The following FRMD3 variants were observed in gnomAD, a reference collection of about 807,000 sequenced individuals.
The protein encoded by FRMD3 is FERM domain-containing protein 3.
Under a neutral mutation model 70.2 loss-of-function variants are expected in FRMD3, and 33 were observed. The ratio of observed to expected loss-of-function variants is 0.47; its 90% confidence interval spans 0.36 to 0.63. FRMD3 has a LOEUF of 0.63. FRMD3 is among the 20% of genes least tolerant of loss of function. The pLI, the probability that FRMD3 is intolerant of heterozygous loss-of-function variation, is 0.00. For synonymous variants in FRMD3, 279 were observed against 255.9 expected (o/e 1.09, Z -0.86); for missense variants, 632 against 711.4 (o/e 0.89, Z 1.27).
chr9:83,244,064 G>A (rs902016866), downstream of FRMD3, among the ~76,000 whole-genome samples: 4 of 152,098 alleles, frequency 2.6e-5, no homozygotes, highest in African/African-American at 7.2e-5. Context: ...GGAGGAGGAG[G>A]TTGCGGTGAG....
At chr9:83,352,610 T>C (rs1172161225) in intron 3 of FRMD3, among the ~76,000 whole-genome samples, 1 of 152,332 alleles carries the variant, frequency 6.6e-6, no homozygotes, top group South Asian at 2.1e-4. Context: ...CCTTCCATCA[T>C]CTGAAGATGA....
At chr9:83,274,232 C>T (rs1029412052) in intron 13 of FRMD3, among the ~76,000 whole-genome samples, 7 of 152,164 alleles carry the variant, frequency 4.6e-5, no homozygotes, top group African/African-American at 1.7e-4. Context: ...GTGTTTTACT[C>T]TACAACACAG....
At chr9:83,452,046 T>A (rs1468299817) in intron 1 of FRMD3, among the ~76,000 whole-genome samples, 1 of 152,216 alleles carries the variant, frequency 6.6e-6, no homozygotes, top group Non-Finnish European at 1.5e-5. Context: ...AGAGGGAGAC[T>A]GGCAGGCTAT....
intron 1 of FRMD3, among the ~76,000 whole-genome samples, chr9:83,507,157 T>A (rs1021647590): frequency 1.3e-5 from 2 of 150,452 alleles, no homozygotes; most frequent in East Asian, 2.0e-4. Context: ...CGTCAGGAGT[T>A]CGAGACCAGC....
intron 10 of FRMD3, among the ~76,000 whole-genome samples, chr9:83,300,767 C>G (rs989708585): frequency 1.3e-5 from 2 of 152,170 alleles, no homozygotes; most frequent in African/African-American, 4.8e-5. Context: ...TACACACACA[C>G]ATATTTTTTT....
chr9:83,257,341 G>A (rs558328627), intron 13 of FRMD3, among the ~76,000 whole-genome samples: 1 of 152,096 alleles, frequency 6.6e-6, no homozygotes, highest in Non-Finnish European at 1.5e-5. Context: ...TGGACATATT[G>A]GGAGGAACAA....
intron 6 of FRMD3, among the ~76,000 whole-genome samples, chr9:83,317,081 C>T (rs764967900): frequency 6.6e-6 from 1 of 151,704 alleles, no homozygotes; most frequent in Non-Finnish European, 1.5e-5. Context: ...GCACTATGAT[C>T]GTGCCACTGT....
intron 1 of FRMD3, among the ~76,000 whole-genome samples, chr9:83,489,006 G>A (rs1828752480): frequency 7.5e-6 from 1 of 133,260 alleles, no homozygotes; most frequent in African/African-American, 2.8e-5. Context: ...GTGTGTGTGT[G>A]TGTGTGTGTG....
Position 83,389,695 on chromosome 9 carries a change from C to G in FRMD3, c.161G>C (p.Gly54Ala). 6.2e-7 allele frequency: 1 copy of G among 1,613,226 alleles called. No homozygotes were observed. Among genetic ancestry groups the G allele is most frequent in the Non-Finnish European group, 8.5e-7 (1 of 1,179,256 alleles). ...GCAGATGTGGTCAATGAGAAACTGC[C>G]CTTTGGTTTCCCTCTGCAAAGGAAG... ...ISCHIQRETK[G>A]QFLIDHICNY... The change falls in exon 2 of 14, where the codon GGG becomes GCG. Residue 54 changes from glycine to alanine, a missense_variant. Physicochemically the swap from Gly to Ala is moderately conservative, Grantham distance 60. Coordinates refer to ENST00000304195, the MANE Select transcript of FRMD3 (RefSeq NM_174938.6).
chr9:83,506,284 A>C (rs1413751311), intron 1 of FRMD3, among the ~76,000 whole-genome samples: 1 of 152,218 alleles, frequency 6.6e-6, no homozygotes, highest in Non-Finnish European at 1.5e-5. Flanking sequence ...GTTTTAAAGA[A>C]ACCAAATAAT....
intron 4 of FRMD3, 87 bp from the exon 5 acceptor site, chr9:83,343,374 AC>A: frequency 1.1e-6 from 1 of 885,748 alleles, no homozygotes; most frequent in Non-Finnish European, 1.9e-6. Flanking sequence ...TCCCATGGTG[AC>A]CAGAGCTTTT....
At chr9:83,344,953 A>C (rs564143077) in intron 4 of FRMD3, among the ~76,000 whole-genome samples, 1 of 147,372 alleles carries the variant, frequency 6.8e-6, no homozygotes, top group East Asian at 1.9e-4. Flanking sequence ...GAAGAGCGAC[A>C]TGTGTAATCC....
chr9:83,248,349 G>A lies in FRMD3; in HGVS notation c.1363C>T (p.Pro455Ser). 6.2e-7 allele frequency: 1 copy of A among 1,614,128 alleles called. No homozygotes were observed. Among genetic ancestry groups the A allele is most frequent in the South Asian group, 1.1e-5 (1 of 91,070 alleles). ...ATCTCATCGTCATCCACAGGGGTGG[G>A]GAGCAGGCTGGCACTTGGGTTGTAC... ...LVYNPSASLL[P>S]TPVDDDEIDM... is the part of the protein sequence containing the mutation. Residue 455 changes from proline to serine, a missense_variant, in exon 14 of 14, where the codon CCC becomes TCC. Physicochemically the swap from Pro to Ser is moderately conservative, Grantham distance 74. This residue lies in a region of FRMD3 where 418 missense variants were observed against 442.1 expected (regional missense o/e 0.95). Transcript: ENST00000304195.
chr9:83,492,915 T>A (rs568182666), intron 1 of FRMD3, among the ~76,000 whole-genome samples: 1 of 152,292 alleles, frequency 6.6e-6, no homozygotes, highest in South Asian at 2.1e-4. Flanking sequence ...CCTTCTCCTC[T>A]ACTCAGGGAG....
rs572323454 is a variant in FRMD3, at chr9:83,412,984, A to C, written c.148-23276T>G. Among the ~76,000 whole-genome samples, 6 of 152,176 alleles carry C rather than the reference A, an allele frequency of 3.9e-5. No homozygotes were observed. In the South Asian group the frequency reaches 1.2e-3, roughly 32 times the overall value. On this transcript the variant is annotated intron_variant, in intron 1 of 13. Transcript: ENST00000304195. ...CATTTAGCCTGGGCAACAGAGTGAG[A>C]CTCTGTCAAAAAAAATAAAAAAAGG...
At chr9:83,296,835 C>A (rs4877251) in intron 12 of FRMD3, among the ~76,000 whole-genome samples, 72,977 of 151,988 alleles carry the variant, frequency 0.48, 20,244 homozygotes, top group East Asian at 0.63. Flanking sequence ...CTTCACCCTT[C>A]CACCACCTGT....
intron 3 of FRMD3, among the ~76,000 whole-genome samples, chr9:83,355,169 C>T (rs1056877554): frequency 5.9e-5 from 9 of 152,162 alleles, no homozygotes; most frequent in Non-Finnish European, 1.2e-4. Flanking sequence ...TAAGTGTCTA[C>T]GCAATCCAGC....
intron 1 of FRMD3, among the ~76,000 whole-genome samples, chr9:83,479,628 GA>G (rs1828488939): frequency 2.9e-5 from 1 of 34,938 alleles, no homozygotes; most frequent in Non-Finnish European, 5.5e-5. Context: ...CTGAAGAAAG[GA>G]AGGAAGGAAG....
chr9:83,377,575 G>A (rs1320107669), intron 2 of FRMD3, among the ~76,000 whole-genome samples: 1 of 152,110 alleles, frequency 6.6e-6, no homozygotes, highest in East Asian at 1.9e-4. Context: ...CCTTGTGATA[G>A]TGAGTTCTTG....
Sources: gnomAD v4.1 joint callset for allele counts (sites outside exome capture counted in the v4.1 genomes callset) on GRCh38, gnomAD v4.1.1 for gene constraint, gnomAD v4.1.1 regional missense constraint, MANE v1.5 for transcripts, NCBI Gene and HGNC (gene_info 2026-07-23, HGNC 2026-07-21) for gene names.